Variants in RARB observed in about 807,000 individuals in gnomAD.
The protein encoded by RARB is HBV-activated protein.
RARB carries 17 observed loss-of-function variants against 51.9 expected under a neutral mutation model. The observed-to-expected ratio is 0.33, with a 90% CI of 0.22 to 0.49. The LOEUF (loss-of-function observed/expected upper bound fraction) is 0.49. Among genes scored for constraint, RARB ranks in the 20% least tolerant of loss-of-function variants. The probability of loss-of-function intolerance (pLI) is 0.99; values close to 1 mark genes in which losing one functional copy is unlikely to be tolerated. For missense variants in RARB, 369 were observed against 550.8 expected (o/e 0.67, Z 3.30); for synonymous variants, 215 against 195.4 (o/e 1.10, Z -0.84).
chr3:25,547,147 T>G (rs1304075879), intron 3 of RARB, among the ~76,000 whole-genome samples: 1 of 152,190 alleles, frequency 6.6e-6, no homozygotes, highest in Non-Finnish European at 1.5e-5. Context: ...CAGGCCCATG[T>G]TCTGTTTCCT....
intron 4 of RARB, among the ~76,000 whole-genome samples, chr3:25,572,252 A>G (rs1344907082): frequency 1.3e-5 from 2 of 152,226 alleles, no homozygotes; most frequent in Non-Finnish European, 2.9e-5. Flanking sequence ...GAGTCTGTAA[A>G]TAATGAACAG....
At chr3:25,391,509 A>G (rs746951911) in intron 5 of RARB, among the ~76,000 whole-genome samples, 1 of 152,164 alleles carries the variant, frequency 6.6e-6, no homozygotes, top group African/African-American at 2.4e-5. Flanking sequence ...TACATTCCCA[A>G]TAGCAGTGCA....
intron 1 of RARB, among the ~76,000 whole-genome samples, chr3:24,830,143 C>T (rs1275435239): frequency 6.6e-6 from 1 of 152,072 alleles, no homozygotes; most frequent in Admixed American, 6.6e-5. Context: ...GACTGTCAGC[C>T]GCGAAGGGGT....
At chr3:25,298,961 C>T (rs2363596) in intron 5 of RARB, among the ~76,000 whole-genome samples, 93,328 of 151,946 alleles carry the variant, frequency 0.61, 29,256 homozygotes, top group East Asian at 0.87. Flanking sequence ...ATTATGCTAA[C>T]GTGCATTCCA....
At chr3:25,031,838 G>C (rs1033370702) in intron 2 of RARB, among the ~76,000 whole-genome samples, 1 of 152,112 alleles carries the variant, frequency 6.6e-6, no homozygotes, top group African/African-American at 2.4e-5. Context: ...TCCAGTTTTA[G>C]GGATTAATAT....
chr3:25,424,362 C>G (rs1707933173), upstream of RARB, among the ~76,000 whole-genome samples: 1 of 152,170 alleles, frequency 6.6e-6, no homozygotes, highest in Non-Finnish European at 1.5e-5. Flanking sequence ...ACTGTTAGAA[C>G]TTCCCCCGCT....
intron 3 of RARB, among the ~76,000 whole-genome samples, chr3:25,127,047 AG>A (rs977881645): frequency 6.6e-6 from 1 of 152,152 alleles, no homozygotes; most frequent in African/African-American, 2.4e-5. Flanking sequence ...CACTCCAGTC[AG>A]GTCCATCATC....
intron 2 of RARB, among the ~76,000 whole-genome samples, chr3:24,964,288 C>A (rs1434537160): frequency 6.6e-6 from 1 of 152,092 alleles, no homozygotes; most frequent in African/African-American, 2.4e-5. Context: ...ATCAAATTTA[C>A]AAATTTGATT....
rs371159268 is a variant in RARB at position 25,070,238 on chromosome 3, C to A, written c.-328+10062C>A. The stretch of plus-strand genomic sequence containing the variant: ...CAGTCATATTAGATTAGAGGCCCAC[C>A]CTACTCCAGTGTTATCTCATCTGAA... On this transcript the variant is annotated intron_variant, in intron 3 of 11. Transcript: ENST00000383772. Among the ~76,000 whole-genome samples, 4 of 152,112 alleles carry A rather than the reference C, an allele frequency of 2.6e-5. No homozygotes were observed. The East Asian group carries it at 5.8e-4, about 22-fold the overall frequency.
intron 5 of RARB, among the ~76,000 whole-genome samples, chr3:25,203,131 A>G (rs567941260): frequency 6.6e-6 from 1 of 152,276 alleles, no homozygotes; most frequent in East Asian, 1.9e-4. Context: ...TTGGGTGCAT[A>G]TATATTTAGG....
chr3:25,584,739 G>A (rs1701317913), intron 5 of RARB, among the ~76,000 whole-genome samples: 1 of 152,152 alleles, frequency 6.6e-6, no homozygotes, highest in East Asian at 1.9e-4. Flanking sequence ...ACCACGGTCT[G>A]ACTTTTGGTT....
intron 2 of RARB, among the ~76,000 whole-genome samples, chr3:24,878,555 A>G (rs1161514341): frequency 6.6e-6 from 1 of 152,124 alleles, no homozygotes; most frequent in African/African-American, 2.4e-5. Context: ...ATTGGCATTG[A>G]CATTTGGGGA....
At chr3:25,371,176 G>T (rs1017121708) in intron 5 of RARB, among the ~76,000 whole-genome samples, 3 of 152,126 alleles carry the variant, frequency 2.0e-5, no homozygotes, top group Non-Finnish European at 4.4e-5. Context: ...TTGAGAAGCG[G>T]GACTTTGAAG....
chr3:25,132,943 C>CTAG (rs10676489), intron 4 of RARB, among the ~76,000 whole-genome samples: 86,536 of 150,984 alleles, frequency 0.57, 25,018 homozygotes, highest in East Asian at 0.7. Context: ...TTAACTGATG[C>CTAG]TATCTATGCC....
At position 25,387,875 on chromosome 3, in the gene RARB, A is replaced by G. The variant is rs112636279; in HGVS notation, c.179-73318A>G. 4.3e-3 allele frequency among the ~76,000 whole-genome samples: 611 copies of G among 141,780 alleles called. 2 individuals carry two copies. The highest frequency in any genetic ancestry group is 0.015 in the African/African-American group (575 of 37,244). 93.0% of individuals were successfully genotyped at this position (141,780 alleles called of 152,430 possible). On this transcript the variant is annotated intron_variant, in intron 5 of 11. Transcript: ENST00000383772. ...TCCCAGCTTTATCCTTAGGGAATAG[A>G]AAAAAAAAAAAGAGCATTAAATGTT...
intron 1 of RARB, among the ~76,000 whole-genome samples, chr3:24,851,543 T>C (rs1351620021): frequency 1.3e-5 from 2 of 152,112 alleles, no homozygotes; most frequent in Non-Finnish European, 2.9e-5. Flanking sequence ...CTATCCCTAA[T>C]GCAATACATG....
chr3:24,960,850 G>A (rs1208523505), intron 2 of RARB, among the ~76,000 whole-genome samples: 2 of 151,970 alleles, frequency 1.3e-5, no homozygotes, highest in Admixed American at 1.3e-4. Context: ...ATTTCTGGCA[G>A]AGTATCTCTT....
chr3:25,502,081 A>C (rs1027096481), intron 3 of RARB, among the ~76,000 whole-genome samples: 1 of 152,186 alleles, frequency 6.6e-6, no homozygotes, highest in African/African-American at 2.4e-5. Context: ...TCATGGGGCT[A>C]TGTGCCCAGT....
intron 5 of RARB, among the ~76,000 whole-genome samples, chr3:25,417,654 T>C (rs1257464783): frequency 1.3e-5 from 2 of 152,204 alleles, no homozygotes; most frequent in African/African-American, 4.8e-5. Context: ...TCTCTCTCTT[T>C]TGTAAATTGC....
Sources: allele counts gnomAD v4.1 joint callset (sites outside exome capture counted in the v4.1 genomes callset), GRCh38; gene constraint gnomAD v4.1.1; transcripts MANE v1.5; gene names NCBI Gene and HGNC (gene_info 2026-07-23, HGNC 2026-07-21).